ARHGEF6: variants seen among roughly 807,000 people sequenced by gnomAD.
The protein encoded by ARHGEF6 is rho guanine nucleotide exchange factor 6.
In ARHGEF6, 9 loss-of-function variants were observed where a neutral mutation model predicts 70.3. The observed-to-expected ratio is 0.13, with a 90% CI of 0.08 to 0.22. ARHGEF6 has a LOEUF of 0.22. Among genes scored for constraint, ARHGEF6 ranks in the 10% least tolerant of loss-of-function variants. ARHGEF6 has a pLI of 1.00. For missense variants in ARHGEF6, 470 were observed against 563.0 expected, an observed-to-expected ratio of 0.83 and a Z score of 1.67; for synonymous variants, 201 against 207.8, an observed-to-expected ratio of 0.97 and a Z score of 0.28.
At chrX:136,761,650 G>A (rs1397029475) in intron 2 of ARHGEF6, among the ~76,000 whole-genome samples, 2 of 112,092 alleles carry the variant, frequency 1.8e-5, no homozygotes, top group East Asian at 2.8e-4. Context: ...CATCTAAGAC[G>A]CCCAGAAATA....
intron 7 of ARHGEF6, 100 bp downstream of exon 7, chrX:136,713,176 T>C: frequency 2.6e-6 from 2 of 757,257 alleles, no homozygotes; most frequent in East Asian, 3.2e-5. Context: ...GAAATTCTTC[T>C]AAAGGGCAAA....
chrX:136,726,908 G>T (rs1394415508), intron 6 of ARHGEF6, among the ~76,000 whole-genome samples: 1 of 112,637 alleles, frequency 8.9e-6, no homozygotes, highest in African/African-American at 3.2e-5. Context: ...TGCAATAGTT[G>T]CAGTGAATAA....
At chrX:136,726,925 T>A (rs987986396) in intron 6 of ARHGEF6, among the ~76,000 whole-genome samples, 9 of 112,543 alleles carry the variant, frequency 8.0e-5, no homozygotes, top group Non-Finnish European at 1.9e-5. Flanking sequence ...ATAAAGAATT[T>A]CATCTTACAA....
chrX:136,682,017 T>C (rs779850149), intron 13 of ARHGEF6, 49 bp from the exon 14 acceptor site: 2 of 1,042,256 alleles, frequency 1.9e-6, no homozygotes, highest in Admixed American at 4.4e-5. Flanking sequence ...TACAGGTCTC[T>C]GTTTATTTCA....
intron 2 of ARHGEF6, chrX:136,773,861 T>C (rs1569426044): frequency 8.9e-6 from 1 of 112,210 alleles, no homozygotes; most frequent in Non-Finnish European, 1.9e-5. Context: ...AACCACGATG[T>C]CAGATATTGC....
In ARHGEF6 at chrX:136,743,778, C is replaced by T. The variant is rs1057515781; in HGVS notation, c.468G>A (p.Thr156=). Residue 156 remains threonine (T), a synonymous_variant, in exon 5 of 22, where the codon ACG becomes ACA. Transcript: ENST00000250617. The stretch of plus-strand genomic sequence containing the variant: ...CTATCAACTGATGACTTCCATTTTC[C>T]GTCATCTCCTAGAGAAACAAAAGCC... ...LQRQSKTVEM[T]ENGSHQLIVK... 11 of 1,208,661 alleles carry T rather than the reference C, an allele frequency of 9.1e-6. No homozygotes were observed. The highest frequency in any genetic ancestry group is 6.6e-5 in the Admixed American group (3 of 45,728).
chrX:136,738,128 ACT>A (rs2077005793), intron 5 of ARHGEF6, among the ~76,000 whole-genome samples: 2 of 109,695 alleles, frequency 1.8e-5, no homozygotes, highest in South Asian at 3.9e-4. Context: ...GGCACAATGC[ACT>A]CTCTGTGTCT....
chrX:136,683,378 G>C (rs1245348009), intron 12 of ARHGEF6, among the ~76,000 whole-genome samples: 3 of 109,994 alleles, frequency 2.7e-5, no homozygotes, highest in African/African-American at 1.0e-4. Flanking sequence ...TTTTTCTTGA[G>C]ACGGAGTTTC....
At chrX:136,777,156 T>C (rs1473067865) in intron 2 of ARHGEF6, among the ~76,000 whole-genome samples, 1 of 109,970 alleles carries the variant, frequency 9.1e-6, no homozygotes, top group Non-Finnish European at 1.9e-5. Flanking sequence ...ACCAGGGAGG[T>C]AGAGGTTGCA....
chrX:136,675,676 C>T (rs2076274798), intron 18 of ARHGEF6, among the ~76,000 whole-genome samples: 1 of 109,798 alleles, frequency 9.1e-6, no homozygotes, highest in Non-Finnish European at 1.9e-5. Context: ...CCACCACACC[C>T]GGCTAATTTT....
chrX:136,754,236 C>A (rs1480336296), intron 2 of ARHGEF6, among the ~76,000 whole-genome samples: 1 of 111,082 alleles, frequency 9.0e-6, no homozygotes, highest in African/African-American at 3.3e-5. Context: ...GAATGAAGAA[C>A]AATATAGGCA....
chrX:136,671,184 G>A lies in ARHGEF6; in HGVS notation c.2135+836C>T, dbSNP rs1304936486. On this transcript the variant is annotated intron_variant, in intron 20 of 21. Transcript: ENST00000250617. The stretch of plus-strand genomic sequence containing the variant: ...TCCTTATTTTACAGATGAGGAAACT[G>A]AGGCACAGAGAGGTGAAGCAACTTG... Among the ~76,000 whole-genome samples the A allele has an allele frequency of 4.5e-5, 5 of 112,215 alleles. 1 individual carries two copies. The highest frequency in any genetic ancestry group is 9.4e-5 in the Non-Finnish European group (5 of 53,294).
At chrX:136,754,782 T>C (rs1388110545) in intron 2 of ARHGEF6, among the ~76,000 whole-genome samples, 2 of 111,137 alleles carry the variant, frequency 1.8e-5, no homozygotes, top group Admixed American at 9.5e-5. Context: ...AGCCAGCCAT[T>C]GTGGCTTGGC....
chrX:136,673,441 G>A (rs2076246294), intron 19 of ARHGEF6, among the ~76,000 whole-genome samples: 1 of 112,202 alleles, frequency 8.9e-6, no homozygotes, highest in Admixed American at 9.4e-5. Context: ...TGTGTGACAA[G>A]CACAGTGCCA....
chrX:136,676,591 A>T, intron 18 of ARHGEF6, 33 bp downstream of exon 18: 1 of 1,080,732 alleles, frequency 9.3e-7, no homozygotes, highest in Non-Finnish European at 1.3e-6. Flanking sequence ...TAATTTATCC[A>T]TAAACAACTT....
intron 5 of ARHGEF6, among the ~76,000 whole-genome samples, chrX:136,735,474 TG>T (rs1027247299): frequency 9.1e-6 from 1 of 109,981 alleles, no homozygotes; most frequent in Admixed American, 9.7e-5. Context: ...CCCTGGGTGG[TG>T]GGGGGGATTC....
At chrX:136,706,208 T>G (rs1162882733) in intron 9 of ARHGEF6, among the ~76,000 whole-genome samples, 1 of 112,017 alleles carries the variant, frequency 8.9e-6, no homozygotes, top group African/African-American at 3.2e-5. Flanking sequence ...AACACTTATC[T>G]AGGTCCCTTG....
chrX:136,668,334 T>C (rs897500285), intron 21 of ARHGEF6, among the ~76,000 whole-genome samples, 165 bp from the exon 22 acceptor site: 5 of 110,190 alleles, frequency 4.5e-5, no homozygotes. Flanking sequence ...CCTGCCTGTC[T>C]CTGGGAAACC....
chrX:136,687,047 T>C (rs1022945341), intron 11 of ARHGEF6, among the ~76,000 whole-genome samples: 1 of 110,555 alleles, frequency 9.0e-6, no homozygotes, highest in Admixed American at 9.7e-5. Flanking sequence ...TCATTTTACA[T>C]TCCTATTTAT....
Sources: allele counts gnomAD v4.1 joint callset (sites outside exome capture counted in the v4.1 genomes callset), GRCh38; gene constraint gnomAD v4.1.1; transcripts MANE v1.5; gene names NCBI Gene and HGNC (gene_info 2026-07-23, HGNC 2026-07-21).